Variants in MGAT4C observed in about 807,000 individuals in gnomAD.
The protein encoded by MGAT4C is MGAT4 family member C.
Under a neutral mutation model 40.1 loss-of-function variants are expected in MGAT4C, and 19 were observed. That is an observed-to-expected ratio of 0.47 (90% CI 0.33 to 0.70). MGAT4C has a LOEUF of 0.70. MGAT4C is among the 30% of genes least tolerant of loss of function. The pLI is 0.02. For missense variants in MGAT4C, 491 were observed against 563.2 expected (o/e 0.87, Z 1.30); for synonymous variants, 181 against 187.1 (o/e 0.97, Z 0.27).
intron 2 of MGAT4C, among the ~76,000 whole-genome samples, chr12:86,505,383 G>T (rs1958454717): frequency 6.6e-6 from 1 of 152,136 alleles, no homozygotes; most frequent in Non-Finnish European, 1.5e-5. Flanking sequence ...CGTAGATCAG[G>T]TTTAATTTAA....
At chr12:86,206,301 G>A (rs1950249624) in intron 1 of MGAT4C, among the ~76,000 whole-genome samples, 1 of 152,166 alleles carries the variant, frequency 6.6e-6, no homozygotes, top group Non-Finnish European at 1.5e-5. Flanking sequence ...AAAGCACAGT[G>A]TGGTTAAGAG....
intron 2 of MGAT4C, among the ~76,000 whole-genome samples, chr12:86,712,670 C>A (rs986683754): frequency 2.0e-5 from 3 of 152,036 alleles, no homozygotes; most frequent in Non-Finnish European, 4.4e-5. Flanking sequence ...CATCTTCTAG[C>A]CACAGTAGAA....
In MGAT4C at chr12:86,516,677, C is replaced by A. The variant is rs896909893; in HGVS notation, c.-228-81412G>T. On this transcript the variant is annotated intron_variant, in intron 2 of 7. Transcript: ENST00000548651. ...GAAAAATCCCATCAAAAAAGTAAAACAACAAGCCACAAAATAGGAGAAAAT... is the reference window on the plus strand; with the variant it reads ...GAAAAATCCCATCAAAAAAGTAAAAAAACAAGCCACAAAATAGGAGAAAAT... Among the ~76,000 whole-genome samples, 12 of 151,966 alleles carry A rather than the reference C, an allele frequency of 7.9e-5. No homozygotes were observed. In the South Asian group the frequency reaches 1.2e-3, roughly 16 times the overall value.
chr12:85,980,819 A>G (rs980637731), intron 4 of MGAT4C, among the ~76,000 whole-genome samples: 2 of 152,136 alleles, frequency 1.3e-5, no homozygotes, highest in Non-Finnish European at 2.9e-5. Context: ...GATAAAGTAA[A>G]AAAAATGCTT....
intron 4 of MGAT4C, among the ~76,000 whole-genome samples, chr12:85,982,551 G>A (rs891488726): frequency 4.6e-5 from 7 of 152,240 alleles, no homozygotes; most frequent in Admixed American, 2.6e-4. Flanking sequence ...AATCAACAGC[G>A]TTATAATTAA....
chr12:86,069,953 G>A (rs943814701), intron 1 of MGAT4C, among the ~76,000 whole-genome samples: 8 of 151,934 alleles, frequency 5.3e-5, no homozygotes, highest in African/African-American at 1.9e-4. Flanking sequence ...CTAAACAGTT[G>A]CCAATTACAA....
intron 2 of MGAT4C, among the ~76,000 whole-genome samples, chr12:86,670,499 C>A (rs1052557581): frequency 1.3e-5 from 2 of 151,710 alleles, no homozygotes; most frequent in Non-Finnish European, 2.9e-5. Flanking sequence ...AGCTTGAGGA[C>A]CTGTGTCTCA....
chr12:86,398,911 T>C (rs1403277063), intron 3 of MGAT4C, among the ~76,000 whole-genome samples: 2 of 152,080 alleles, frequency 1.3e-5, no homozygotes, highest in Non-Finnish European at 2.9e-5. Flanking sequence ...AGGTCTGGGA[T>C]TTCCGCTGTC....
chr12:86,594,310 T>C (rs1961446344), intron 2 of MGAT4C, among the ~76,000 whole-genome samples: 1 of 152,150 alleles, frequency 6.6e-6, no homozygotes, highest in Non-Finnish European at 1.5e-5. Flanking sequence ...TTCATTTCAC[T>C]AAGCTGGGAG....
intron 2 of MGAT4C, among the ~76,000 whole-genome samples, chr12:86,048,177 G>T (rs933329610): frequency 6.6e-6 from 1 of 152,104 alleles, no homozygotes; most frequent in South Asian, 2.1e-4. Flanking sequence ...GATGCTGCTG[G>T]AGGCCATTAT....
Position 85,978,168 on chromosome 12 carries a change from G to T in MGAT4C, c.*1121C>A, listed in dbSNP as rs935949010. ...GCAGGAATTGTACCACCTATTTCCA[G>T]ATGGTATAACTTATTATCTGACAGG... is the stretch of plus-strand genomic sequence containing the variant. On this transcript the variant is annotated 3_prime_UTR_variant, in exon 5 of 5. Transcript: ENST00000611864. The T allele has an allele frequency of 6.6e-6, 1 of 151,554 alleles. No individual in the cohort carries two copies. Among genetic ancestry groups the T allele is most frequent in the Non-Finnish European group, 1.5e-5 (1 of 67,654 alleles). The allele number at this position is 151,554 out of a possible 1,614,324, so 9.4% of individuals were successfully genotyped here.
chr12:86,176,483 A>C (rs1052603756), intron 1 of MGAT4C, among the ~76,000 whole-genome samples: 1 of 152,114 alleles, frequency 6.6e-6, no homozygotes, highest in Non-Finnish European at 1.5e-5. Context: ...TCTGTTTTGC[A>C]TACAATTTTT....
intron 4 of MGAT4C, among the ~76,000 whole-genome samples, chr12:86,311,011 C>T (rs1470971296): frequency 6.6e-6 from 1 of 152,348 alleles, no homozygotes; most frequent in South Asian, 2.1e-4. Flanking sequence ...TCTCAAGGCC[C>T]GATGGGTCCT....
At chr12:86,037,935 G>C (rs962846252) in intron 2 of MGAT4C, among the ~76,000 whole-genome samples, 2 of 149,444 alleles carry the variant, frequency 1.3e-5, no homozygotes, top group African/African-American at 4.9e-5. Context: ...AAGCGTTGGG[G>C]TGATCAGACC....
Position 86,124,887 on chromosome 12 carries a change from G to A in MGAT4C, c.-56-75164C>T, listed in dbSNP as rs140929661. On this transcript the variant is annotated intron_variant, in intron 1 of 4. Coordinates refer to ENST00000611864, the MANE Select transcript of MGAT4C (RefSeq NM_001351288.2). ...GGGCATATTTCTGGGTCTGTCCCCA[G>A]TCTCTTGTCATTGATAATATTTGTA... 3.1e-3 allele frequency among the ~76,000 whole-genome samples: 469 copies of A among 152,204 alleles called. 4 individuals are homozygous for A. Among genetic ancestry groups the A allele is most frequent in the Admixed American group, 6.0e-3 (91 of 15,270 alleles).
At chr12:86,140,865 A>T (rs1419764695) in intron 1 of MGAT4C, among the ~76,000 whole-genome samples, 1 of 152,172 alleles carries the variant, frequency 6.6e-6, no homozygotes, top group African/African-American at 2.4e-5. Flanking sequence ...TTTTCATTCT[A>T]GAAGAGATAC....
chr12:86,828,221 C>T (rs1952845797), intron 1 of MGAT4C, among the ~76,000 whole-genome samples: 1 of 150,774 alleles, frequency 6.6e-6, no homozygotes, highest in South Asian at 2.1e-4. Flanking sequence ...GAAAACATCA[C>T]ATTTTTAAGA....
intron 2 of MGAT4C, among the ~76,000 whole-genome samples, chr12:86,561,094 G>A (rs901387139): frequency 6.6e-6 from 1 of 152,096 alleles, no homozygotes; most frequent in African/African-American, 2.4e-5. Flanking sequence ...GGAGGTGAAA[G>A]AAATCAGAGA....
intron 2 of MGAT4C, among the ~76,000 whole-genome samples, chr12:86,546,432 T>C (rs903753864): frequency 6.6e-6 from 1 of 151,882 alleles, no homozygotes; most frequent in Admixed American, 6.6e-5. Context: ...TGGACACTTC[T>C]GAAACTTGGT....
Sources: gnomAD v4.1 joint callset for allele counts (sites outside exome capture counted in the v4.1 genomes callset) on GRCh38, gnomAD v4.1.1 for gene constraint, MANE v1.5 for transcripts, NCBI Gene and HGNC (gene_info 2026-07-23, HGNC 2026-07-21) for gene names.